RPGRIP1: variants seen among roughly 807,000 people sequenced by gnomAD.
RPGRIP1 encodes RPGR interacting protein 1.
Under a neutral mutation model 157.9 loss-of-function variants are expected in RPGRIP1, and 128 were observed. That is an observed-to-expected ratio of 0.81 (90% CI 0.70 to 0.94). The LOEUF is 0.94. Ranked by LOEUF, RPGRIP1 falls within the 40% of genes least tolerant of loss-of-function variation. The pLI is 0.00. For synonymous variants in RPGRIP1, 554 were observed against 571.6 expected (o/e 0.97, Z 0.44); for missense variants, 1,486 against 1,545.8 (o/e 0.96, Z 0.65).
chr14:21,306,919 G>T (rs1423133857), intron 6 of RPGRIP1, among the ~76,000 whole-genome samples: 3 of 150,850 alleles, frequency 2.0e-5, no homozygotes, highest in African/African-American at 7.3e-5. Context: ...GGGACTACAG[G>T]TGCGCACCAC....
intron 10 of RPGRIP1, among the ~76,000 whole-genome samples, chr14:21,316,573 C>T (rs1434950626): frequency 6.6e-6 from 1 of 151,778 alleles, no homozygotes; most frequent in Non-Finnish European, 1.5e-5. Context: ...CCTGCCACCA[C>T]ACCCAGCTAA....
At chr14:21,294,052 C>CAAAAAAAAAA in intron 2 of RPGRIP1, among the ~76,000 whole-genome samples, 1 of 94,882 alleles carries the variant, frequency 1.1e-5, no homozygotes, top group East Asian at 3.2e-4. Context: ...GACCCTGTCT[C>CAAAAAAAAAA]AAAAAAAAAA....
At chr14:21,330,634 C>A (rs998029824) in intron 20 of RPGRIP1, among the ~76,000 whole-genome samples, 7 of 151,954 alleles carry the variant, frequency 4.6e-5, no homozygotes, top group African/African-American at 7.2e-5. Flanking sequence ...CCACTGCACT[C>A]CTCCAGCCTG....
intron 23 of RPGRIP1, 107 bp downstream of exon 23, chr14:21,345,304 G>A: frequency 8.4e-6 from 6 of 713,514 alleles, no homozygotes; most frequent in Non-Finnish European, 1.4e-5. Flanking sequence ...ACTTTTTTGA[G>A]TTAATTTACT....
In RPGRIP1 at chr14:21,302,586, T is replaced by G. The variant is rs1028039987; in HGVS notation, c.587+2T>G. The G allele has an allele frequency of 1.3e-6, 2 of 1,528,316 alleles. No individual in the cohort carries two copies. Among genetic ancestry groups the G allele is most frequent in the African/African-American group, 2.7e-5 (2 of 73,340 alleles). The allele number at this position is 1,528,316 out of a possible 1,614,324, so 94.7% of individuals were successfully genotyped here. On this transcript the variant is annotated splice_donor_variant, in intron 5 of 24. Transcript: ENST00000400017. LOFTEE classifies it high-confidence loss of function. Reference sequence around the variant, plus strand: ...AGTAGCCAGTAAACCCAGTGAACTGTGAGTTCTTCTCATTTATCCCATGTT... The same window carrying G: ...AGTAGCCAGTAAACCCAGTGAACTGGGAGTTCTTCTCATTTATCCCATGTT...
At chr14:21,289,282 C>G (rs571110746) in intron 2 of RPGRIP1, among the ~76,000 whole-genome samples, 1 of 152,104 alleles carries the variant, frequency 6.6e-6, no homozygotes, top group Non-Finnish European at 1.5e-5. Context: ...GAGCCGAGAT[C>G]GCACCACTGC....
chr14:21,295,878 C>T (rs1880751938), intron 3 of RPGRIP1, among the ~76,000 whole-genome samples: 1 of 151,614 alleles, frequency 6.6e-6, no homozygotes. Context: ...TCAAGCGATT[C>T]CCCTCCCTCA....
chr14:21,300,299 C>T (rs1337447604), intron 3 of RPGRIP1, among the ~76,000 whole-genome samples: 3 of 143,458 alleles, frequency 2.1e-5, no homozygotes, highest in South Asian at 4.8e-4. Flanking sequence ...GAGAAAAAGT[C>T]CGTCTCAAAA....
intron 1 of RPGRIP1, among the ~76,000 whole-genome samples, chr14:21,287,524 C>A (rs773033406): frequency 6.6e-6 from 1 of 152,076 alleles, no homozygotes; most frequent in Non-Finnish European, 1.5e-5. Context: ...TTGGGTCATT[C>A]GATTAACCCT....
In RPGRIP1 at chr14:21,343,146, C is replaced by G. The variant is rs527354795; in HGVS notation, c.3450C>G (p.Asp1150Glu). The part of the protein sequence containing the change: ...KQVYVEYKFY[D>E]LPLSETETPV... ...TGTATGTGGAGTACAAATTCTACGA[C>G]CTACCCTTGTCGGAGACAGAGACTC... Residue 1150 changes from aspartate to glutamate, a missense_variant, in exon 22 of 25, where the codon GAC becomes GAG. Transcript: ENST00000400017. The G allele has an allele frequency of 1.2e-5, 19 of 1,613,596 alleles. No individual in the cohort carries two copies. The highest frequency in any genetic ancestry group is 1.6e-5 in the Non-Finnish European group (19 of 1,179,744).
chr14:21,333,931 T>C (rs368129868), intron 20 of RPGRIP1, among the ~76,000 whole-genome samples: 4,146 of 143,762 alleles, frequency 0.029, 205 homozygotes, highest in African/African-American at 0.11. Flanking sequence ...CACCTTTTTT[T>C]TTTTTTTTTT....
At chr14:21,282,317 A>G (rs1375204410) in intron 1 of RPGRIP1, among the ~76,000 whole-genome samples, 1 of 151,786 alleles carries the variant, frequency 6.6e-6, no homozygotes, top group Non-Finnish European at 1.5e-5. Context: ...CCTCACTGCA[A>G]TCTCTGCCTC....
In RPGRIP1 at chr14:21,294,696, A is replaced by G. The variant is rs1211277300; in HGVS notation, c.105A>G (p.Gln35=). 4 of 1,613,444 alleles carry G rather than the reference A, an allele frequency of 2.5e-6. No homozygotes were observed. The highest frequency in any genetic ancestry group is 2.5e-6 in the Non-Finnish European group (3 of 1,179,712). The change falls in exon 3 of 25, where the codon CAA becomes CAG. Residue 35 remains glutamine (Q), a synonymous_variant. Transcript: ENST00000400017. ...CTTTAGGTAAGAATATGAAAACTCAACCACCCTTGAGCAGGATGAACCGGG... is the reference window on the plus strand; with the variant it reads ...CTTTAGGTAAGAATATGAAAACTCAGCCACCCTTGAGCAGGATGAACCGGG... The part of the protein sequence containing the change: ...PASKGKNMKT[Q]PPLSRMNREE...
At chr14:21,307,266 C>T (rs1881356503) in intron 6 of RPGRIP1, among the ~76,000 whole-genome samples, 1 of 151,996 alleles carries the variant, frequency 6.6e-6, no homozygotes, top group Admixed American at 6.6e-5. Flanking sequence ...GTTGCCCAGG[C>T]TGGTCTCCAA....
chr14:21,328,342 C>A, intron 18 of RPGRIP1, 82 bp from the exon 19 acceptor site: 1 of 988,214 alleles, frequency 1.0e-6, no homozygotes. Context: ...TGAAGTCTAA[C>A]ACTAGTTCCC....
chr14:21,327,640 G>C lies in RPGRIP1; in HGVS notation c.2728G>C (p.Asp910His), dbSNP rs756501591. The stretch of plus-strand genomic sequence containing the variant: ...TTTCTCAGGTGATTTTAACCTCACT[G>C]ACCCTGCAGAGAAACCCAACGGATC... The part of the protein sequence containing the change: ...ESIKGDFNLT[D>H]PAEKPNGSIQ... Residue 910 changes from aspartate (D) to histidine (H), a missense_variant, in exon 18 of 25, where the codon GAC becomes CAC. Asp to His is a moderately conservative substitution (Grantham distance 81). Coordinates refer to ENST00000400017, the MANE Select transcript of RPGRIP1 (RefSeq NM_020366.4). 3 of 1,613,790 alleles carry C rather than the reference G, an allele frequency of 1.9e-6. No homozygotes were observed. The highest frequency in any genetic ancestry group is 2.5e-6 in the Non-Finnish European group (3 of 1,179,864).
intron 22 of RPGRIP1, among the ~76,000 whole-genome samples, chr14:21,344,402 C>A (rs1885350433): frequency 6.6e-6 from 1 of 152,128 alleles, no homozygotes; most frequent in Non-Finnish European, 1.5e-5. Context: ...TCTCTCCATC[C>A]TCTTGTTCTG....
chr14:21,333,945 A>C (rs1465036509), intron 20 of RPGRIP1, among the ~76,000 whole-genome samples: 2 of 104,892 alleles, frequency 1.9e-5, no homozygotes, highest in Admixed American at 2.0e-4. Flanking sequence ...TTTTTTTTTG[A>C]GACAGAGTCT....
chr14:21,344,278 CTTA>C (rs1885338450), intron 22 of RPGRIP1, among the ~76,000 whole-genome samples: 1 of 151,938 alleles, frequency 6.6e-6, no homozygotes, highest in South Asian at 2.1e-4. Context: ...TTTCATTCGC[CTTA>C]TTTTCATTAT....
Sources: gnomAD v4.1 joint callset for allele counts (sites outside exome capture counted in the v4.1 genomes callset) on GRCh38, gnomAD v4.1.1 for gene constraint, MANE v1.5 for transcripts, NCBI Gene and HGNC (gene_info 2026-07-23, HGNC 2026-07-21) for gene names.